The following ECT2L variants were observed in gnomAD, a reference collection of about 807,000 sequenced individuals.
ECT2L encodes epithelial cell transforming 2 like, also known as epithelial cell-transforming sequence 2 oncogene-like.
ECT2L carries 126 observed loss-of-function variants against 122.8 expected under a neutral mutation model. The ratio of observed to expected loss-of-function variants is 1.03; its 90% confidence interval spans 0.89 to 1.19. ECT2L has a LOEUF of 1.19. Ranked by LOEUF, ECT2L falls within the 50% of genes most tolerant of loss-of-function variation. ECT2L has a pLI of 0.00. For synonymous variants in ECT2L, 385 were observed against 381.8 expected (o/e 1.01, Z -0.10); for missense variants, 1,012 against 1,064.1 (o/e 0.95, Z 0.68).
rs1778843118 is a variant in ECT2L, at chr6:138,886,909, T to C, written c.2312T>C (p.Ile771Thr). ...KDHLSDIQRI[I>T]WGCPTLSEVN... ...CATCTGTCAGATATACAGAGAATCA[T>C]CTGGGGATGCCCTGTATGTATTCTT... The change falls in exon 19 of 22, where the codon ATC becomes ACC. Residue 771 changes from isoleucine (I) to threonine (T), a missense_variant. Transcript: ENST00000541398. 10 of 1,613,052 alleles carry C rather than the reference T, an allele frequency of 6.2e-6. No individual in the cohort carries two copies. The highest frequency in any genetic ancestry group is 8.5e-6 in the Non-Finnish European group (10 of 1,179,324).
intron 1 of ECT2L, among the ~76,000 whole-genome samples, chr6:138,799,956 TGTCA>T (rs1360597540): frequency 2.0e-5 from 3 of 152,212 alleles, no homozygotes; most frequent in African/African-American, 7.2e-5. Context: ...TCTAGTGCCG[TGTCA>T]GTCAGTGTAG....
At chr6:138,899,494 T>C (rs1358921399) in intron 20 of ECT2L, among the ~76,000 whole-genome samples, 1 of 152,038 alleles carries the variant, frequency 6.6e-6, no homozygotes, top group Non-Finnish European at 1.5e-5. Context: ...GAAGGATACG[T>C]ACTAGGTTGA....
In ECT2L at chr6:138,823,596, G is replaced by A. The variant is rs1776338107; in HGVS notation, c.179+8993G>A. On this transcript the variant is annotated intron_variant, in intron 4 of 21. Transcript: ENST00000541398. ...CAACATGAGCAAACGCATGGACATC[G>A]CCATCCAAGTCACAGAAAGCATTGC... The A allele has an allele frequency of 8.5e-6, 12 of 1,418,720 alleles. 3 individuals are homozygous for A. The highest frequency in any genetic ancestry group is 6.7e-6 in the Non-Finnish European group (7 of 1,048,608). 87.9% of individuals were successfully genotyped at this position (1,418,720 alleles called of 1,614,324 possible).
chr6:138,849,853 C>A (rs770376290), intron 9 of ECT2L, among the ~76,000 whole-genome samples: 5 of 152,082 alleles, frequency 3.3e-5, no homozygotes, highest in Non-Finnish European at 5.9e-5. Context: ...CACACCCCAG[C>A]TGTGAAGCAA....
chr6:138,848,081 G>A (rs1267517680), intron 8 of ECT2L, among the ~76,000 whole-genome samples: 5 of 152,154 alleles, frequency 3.3e-5, no homozygotes, highest in Non-Finnish European at 7.3e-5. Context: ...AACTCACTCA[G>A]TGTCATGAGA....
At chr6:138,839,906 A>T (rs753350153) in intron 5 of ECT2L, among the ~76,000 whole-genome samples, 77 of 152,108 alleles carry the variant, frequency 5.1e-4, no homozygotes, top group Non-Finnish European at 1.0e-3. Context: ...CAATGCAGGG[A>T]GCTTAAAACA....
chr6:138,809,934 T>C (rs766405146), intron 1 of ECT2L, among the ~76,000 whole-genome samples: 5 of 152,178 alleles, frequency 3.3e-5, no homozygotes, highest in South Asian at 2.1e-4. Flanking sequence ...CATGAAATTG[T>C]TGTGGAAGAC....
At chr6:138,870,268 G>A (rs1778204259) in intron 13 of ECT2L, 1 of 152,610 alleles carries the variant, frequency 6.6e-6, no homozygotes, top group Admixed American at 6.5e-5. Context: ...TGAAGGAAAT[G>A]TTATTCCAAC....
At chr6:138,877,662 G>A (rs963628323) in intron 14 of ECT2L, among the ~76,000 whole-genome samples, 6 of 152,176 alleles carry the variant, frequency 3.9e-5, no homozygotes, top group Non-Finnish European at 7.3e-5. Flanking sequence ...AGAAGAGTTT[G>A]GCAGCTCATG....
chr6:138,800,831 A>G (rs1775516605), intron 1 of ECT2L, among the ~76,000 whole-genome samples: 1 of 152,212 alleles, frequency 6.6e-6, no homozygotes, highest in Non-Finnish European at 1.5e-5. Context: ...AAGAATAGGA[A>G]TGTATTTCTC....
intron 10 of ECT2L, among the ~76,000 whole-genome samples, chr6:138,862,072 T>C (rs888086477): frequency 2.0e-5 from 3 of 152,184 alleles, no homozygotes; most frequent in South Asian, 2.1e-4. Flanking sequence ...GACTGTTCAA[T>C]GGAGAGGTTT....
chr6:138,829,776 G>A (rs1776585577), intron 4 of ECT2L, among the ~76,000 whole-genome samples: 1 of 151,576 alleles, frequency 6.6e-6, no homozygotes, highest in Non-Finnish European at 1.5e-5. Context: ...AGGCTGGAGT[G>A]CAGTGGCACG....
intron 10 of ECT2L, among the ~76,000 whole-genome samples, chr6:138,857,773 C>T (rs747847290): frequency 6.6e-6 from 1 of 152,198 alleles, no homozygotes; most frequent in Non-Finnish European, 1.5e-5. Flanking sequence ...TCCTTTTCCA[C>T]ATACGCACTC....
chr6:138,850,994 C>CAAAAAAAAAAAAAAAAAAAAA (rs34453938), intron 9 of ECT2L, among the ~76,000 whole-genome samples: 1 of 57,770 alleles, frequency 1.7e-5, no homozygotes, highest in African/African-American at 6.4e-5. Context: ...AACTCCATCT[C>CAAAAAAAAAAAAAAAAAAAAA]AAAAAAAAAA....
At chr6:138,818,742 G>A (rs1251818142) in intron 4 of ECT2L, among the ~76,000 whole-genome samples, 2 of 152,052 alleles carry the variant, frequency 1.3e-5, no homozygotes, top group African/African-American at 2.4e-5. Flanking sequence ...AAAATTACTC[G>A]AGGAAACATC....
chr6:138,853,338 T>G (rs144635324), intron 9 of ECT2L, among the ~76,000 whole-genome samples: 1 of 152,160 alleles, frequency 6.6e-6, no homozygotes, highest in African/African-American at 2.4e-5. Flanking sequence ...TCTATATAAT[T>G]GTGTTTTCCC....
At chr6:138,852,904 C>T (rs1235472489) in intron 9 of ECT2L, among the ~76,000 whole-genome samples, 3 of 152,034 alleles carry the variant, frequency 2.0e-5, no homozygotes, top group Non-Finnish European at 2.9e-5. Flanking sequence ...TTTTTGTTCT[C>T]CAGGTAAGAA....
Position 138,865,150 on chromosome 6 carries a change from G to A in ECT2L, c.1446G>A (p.Leu482=), listed in dbSNP as rs1376912420. 3.1e-6 allele frequency: 5 copies of A among 1,612,584 alleles called. No homozygotes were observed. The highest frequency in any genetic ancestry group is 1.7e-5 in the Admixed American group (1 of 59,954). The part of the protein sequence containing the change: ...RKQLYPFFKE[L]QKSISGRMIG... The stretch of plus-strand genomic sequence containing the variant: ...AGCTGTATCCTTTCTTCAAGGAACT[G>A]CAGAAGAGCATCAGTGGCAGGATGA... Residue 482 remains leucine (L), a synonymous_variant, in exon 12 of 22, where the codon CTG becomes CTA. Transcript: ENST00000541398.
intron 4 of ECT2L, among the ~76,000 whole-genome samples, chr6:138,827,281 G>T (rs1367997280): frequency 1.3e-5 from 2 of 150,910 alleles, no homozygotes; most frequent in Admixed American, 1.3e-4. Context: ...CTGGGAGGTG[G>T]AGGTTGTAGT....
Sources: gnomAD v4.1 joint callset for allele counts (sites outside exome capture counted in the v4.1 genomes callset) on GRCh38, gnomAD v4.1.1 for gene constraint, MANE v1.5 for transcripts, NCBI Gene and HGNC (gene_info 2026-07-23, HGNC 2026-07-21) for gene names.